The following AKT1 variants were observed in gnomAD, a reference collection of about 807,000 sequenced individuals.
AKT1 encodes AKT serine/threonine kinase 1.
A neutral mutation model predicts 63.1 loss-of-function variants in AKT1; 21 were observed. The observed-to-expected ratio is 0.33, with a 90% CI of 0.24 to 0.48. The LOEUF is 0.48. Ranked by LOEUF, AKT1 falls within the 20% of genes least tolerant of loss-of-function variation. AKT1 has a pLI of 0.99. For synonymous variants in AKT1, 257 were observed against 253.1 expected (o/e 1.02, Z -0.15); for missense variants, 382 against 666.0 (o/e 0.57, Z 4.69).
intron 12 of AKT1, 76 bp downstream of exon 12, chr14:104,772,802 C>T: frequency 6.8e-7 from 1 of 1,476,492 alleles, no homozygotes; most frequent in Non-Finnish European, 9.1e-7. Flanking sequence ...GCCAGGACCG[C>T]CTGGCGCAGG....
rs1892766683 is a variant in AKT1, at chr14:104,777,193, C to T, written c.176-423G>A. On this transcript the variant is annotated intron_variant, in intron 4 of 14. Transcript: ENST00000649815. ...AGAAATGTCCTGCTTTTTTCCCAAC[C>T]TCACCCTGAGTACCTGGGAAATACA... 10 of 210,526 alleles carry T rather than the reference C, an allele frequency of 4.8e-5. No homozygotes were observed. The South Asian group carries it at 5.5e-4, about 12-fold the overall frequency. 13.0% of individuals were successfully genotyped at this position (210,526 alleles called of 1,614,324 possible).
chr14:104,785,516 C>T lies in AKT1; in HGVS notation c.47-5300G>A, dbSNP rs1325281202. 2.0e-5 allele frequency among the ~76,000 whole-genome samples: 3 copies of T among 152,322 alleles called. No individual in the cohort carries two copies. The East Asian group carries it at 5.8e-4, about 29-fold the overall frequency. On this transcript the variant is annotated intron_variant, in intron 3 of 14. Coordinates refer to ENST00000649815, the MANE Select transcript of AKT1 (RefSeq NM_001382430.1). ...CCCGCCAGGCAGAGGACTGGCGCTC[C>T]ACCTGCCTGGGCCTCGCCCAGCCCA...
At position 104,773,440 on chromosome 14, in the gene AKT1, T is replaced by C; in HGVS notation, c.828+15A>G. 6.2e-7 allele frequency: 1 copy of C among 1,613,908 alleles called. No individual in the cohort carries two copies. The highest frequency in any genetic ancestry group is 8.5e-7 in the Non-Finnish European group (1 of 1,179,868). Reference sequence around the variant, plus strand: ...GCCCCCAGGGCCCTGCCCCCCTGCCTGCCCGCCAGCGCACCTTGAGGTCCC... The same window carrying C: ...GCCCCCAGGGCCCTGCCCCCCTGCCCGCCCGCCAGCGCACCTTGAGGTCCC... On this transcript the variant is annotated intron_variant, in intron 10 of 14. Coordinates refer to ENST00000649815, the MANE Select transcript of AKT1 (RefSeq NM_001382430.1).
At position 104,779,985 on chromosome 14, in the gene AKT1, G is replaced by A. The variant is rs760470625; in HGVS notation, c.175+103C>T. The A allele has an allele frequency of 3.2e-4, 479 of 1,499,686 alleles. 1 individual carries two copies. Among genetic ancestry groups the A allele is most frequent in the Non-Finnish European group, 4.0e-4 (447 of 1,116,630 alleles). 92.9% of individuals were successfully genotyped at this position (1,499,686 alleles called of 1,614,324 possible). On this transcript the variant is annotated intron_variant, in intron 4 of 14. Coordinates refer to ENST00000649815, the MANE Select transcript of AKT1 (RefSeq NM_001382430.1). ...CAGTGCTTGTTGCTTGCCAGCCCAG[G>A]ACTTGGAGGCTCCAGGGGACCCCCA...
intron 3 of AKT1, among the ~76,000 whole-genome samples, chr14:104,787,551 G>A (rs368037440): frequency 7.2e-5 from 11 of 152,348 alleles, no homozygotes; most frequent in African/African-American, 2.4e-4. Flanking sequence ...GGACGCCAGC[G>A]GGGGCCGCGC....
At chr14:104,783,180 TCACACA>T (rs1356358093) in intron 3 of AKT1, among the ~76,000 whole-genome samples, 1 of 151,994 alleles carries the variant, frequency 6.6e-6, no homozygotes, top group Non-Finnish European at 1.5e-5. Context: ...CCCAGACCCC[TCACACA>T]AAGAGACCAA....
chr14:104,779,997 C>T (rs2140947516), intron 4 of AKT1, 91 bp downstream of exon 4: 1 of 1,539,974 alleles, frequency 6.5e-7, no homozygotes. Context: ...CTTGGAGGCT[C>T]CAGGGGACCC....
intron 9 of AKT1, 65 bp from the exon 10 acceptor site, chr14:104,773,645 T>C (rs919281468): frequency 6.4e-7 from 1 of 1,550,464 alleles, no homozygotes; most frequent in Admixed American, 2.0e-5. Context: ...CCTGCAGGGC[T>C]GGGGTTTCTC....
intron 11 of AKT1, 59 bp from the exon 12 acceptor site, chr14:104,773,151 G>A (rs2140903993): frequency 6.2e-7 from 1 of 1,610,488 alleles, no homozygotes; most frequent in South Asian, 1.1e-5. Context: ...ACACTGCCGG[G>A]GGAGGTGTGA....
rs770565457 is a variant in AKT1 at position 104,780,224 on chromosome 14, C to G, written c.47-8G>C. On this transcript the variant is annotated splice_polypyrimidine_tract_variant and splice_region_variant and intron_variant, in intron 3 of 14. Transcript: ENST00000649815. ...AGGTCTTGATGTACTCCCCTACAGA[C>G]GTGCGGGTGGTGAGAGCCACGCACA... The G allele has an allele frequency of 1.9e-6, 3 of 1,612,664 alleles. No homozygotes were observed. The African/African-American group carries it at 4.0e-5, about 22-fold the overall frequency.
chr14:104,772,792 G>T, intron 12 of AKT1, 86 bp downstream of exon 12: 1 of 1,405,704 alleles, frequency 7.1e-7, no homozygotes, highest in Non-Finnish European at 9.6e-7. Context: ...TCTGGGAGGT[G>T]CCAGGACCGC....
rs1893833148 is a variant in AKT1, at chr14:104,795,272, C to T, written c.-258+212G>A. 6.6e-6 allele frequency among the ~76,000 whole-genome samples: 1 copy of T among 151,082 alleles called. No individual in the cohort carries two copies. Among genetic ancestry groups the T allele is most frequent in the Admixed American group, 6.6e-5 (1 of 15,168 alleles). ...GGGAGGCTGGGGCCGGCAGCCTGCA[C>T]CCCCGGCGCCCGGCGTGGGGCCGCC... On this transcript the variant is annotated intron_variant, in intron 1 of 14. Coordinates refer to ENST00000649815, the MANE Select transcript of AKT1 (RefSeq NM_001382430.1). This position sits in a 1 kb window ranked among gnomAD's most constrained non-coding sequence, Gnocchi z 5.1.
chr14:104,787,100 C>T (rs1184925006), intron 3 of AKT1, among the ~76,000 whole-genome samples: 2 of 152,136 alleles, frequency 1.3e-5, no homozygotes, highest in African/African-American at 4.8e-5. Flanking sequence ...AAGGATCCCA[C>T]CCCAAAGCCC....
chr14:104,775,395 G>T, intron 6 of AKT1, 188 bp from the exon 7 acceptor site: 1 of 1,189,202 alleles, frequency 8.4e-7, no homozygotes, highest in Non-Finnish European at 1.1e-6. Flanking sequence ...TGCGGCCCCA[G>T]CTCAGAGCAT....
chr14:104,787,970 C>A (rs1893421823), intron 3 of AKT1, among the ~76,000 whole-genome samples: 1 of 152,234 alleles, frequency 6.6e-6, no homozygotes, highest in Non-Finnish European at 1.5e-5. Context: ...TCCACCACAG[C>A]CATGCCATGA....
intron 3 of AKT1, among the ~76,000 whole-genome samples, chr14:104,790,309 G>T (rs1025640251): frequency 1.5e-4 from 23 of 152,314 alleles, no homozygotes; most frequent in African/African-American, 5.1e-4. Flanking sequence ...TCTGCAAGGG[G>T]CTGCGGCCGG....
At position 104,792,601 on chromosome 14, in the gene AKT1, G is replaced by A; in HGVS notation, c.43C>T (p.Arg15Ter). 1 of 1,612,094 alleles carries A rather than the reference G, an allele frequency of 6.2e-7. No homozygotes were observed. Among genetic ancestry groups the A allele is most frequent in the Non-Finnish European group, 8.5e-7 (1 of 1,179,880 alleles). ...AIVKEGWLHK[R>*]GEYIKTWRPR... ...AGCCCTGGCAGCGGGTACTAACCTC[G>A]TTTGTGCAGCCAACCCTCCTTCACA... The change falls in exon 3 of 15, where the codon CGA becomes TGA. Residue 15 changes from arginine (R) to a stop codon, truncating the protein, a stop_gained. Transcript: ENST00000649815. LOFTEE classifies it high-confidence loss of function.
intron 3 of AKT1, among the ~76,000 whole-genome samples, chr14:104,783,045 G>A (rs1229715152): frequency 1.3e-5 from 2 of 152,158 alleles, no homozygotes; most frequent in African/African-American, 4.8e-5. Flanking sequence ...GGCAGGTGGA[G>A]GAGACAGCCA....
intron 4 of AKT1, chr14:104,777,378 TGGGGCACA>T (rs1566819429): frequency 4.1e-6 from 1 of 243,654 alleles, no homozygotes; most frequent in Non-Finnish European, 6.8e-6. Context: ...AAGCCACACC[TGGGGCACA>T]CGCACACCTG....
Sources: allele counts gnomAD v4.1 joint callset (sites outside exome capture counted in the v4.1 genomes callset), GRCh38; gene constraint gnomAD v4.1.1; non-coding constraint Gnocchi (gnomAD v3.1); transcripts MANE v1.5; gene names NCBI Gene and HGNC (gene_info 2026-07-23, HGNC 2026-07-21).